Variants in AP1S1 observed in about 807,000 individuals in gnomAD.
AP1S1 encodes AP-1 complex subunit sigma-1A.
In AP1S1, 13 loss-of-function variants were observed where a neutral mutation model predicts 23.9. The ratio of observed to expected loss-of-function variants is 0.54; its 90% CI spans 0.35 to 0.86. AP1S1 has a LOEUF of 0.86. Among genes scored for constraint, AP1S1 ranks in the 40% least tolerant of loss-of-function variants. AP1S1 has a pLI of 0.01. For missense variants in AP1S1, 119 were observed against 197.6 expected (o/e 0.60, Z 2.38); for synonymous variants, 84 against 77.7 (o/e 1.08, Z -0.43).
chr7:101,157,297 G>C, intron 2 of AP1S1, 80 bp from the exon 3 acceptor site: 1 of 1,215,662 alleles, frequency 8.2e-7, no homozygotes, highest in Non-Finnish European at 1.2e-6. Flanking sequence ...ACCACCTCCA[G>C]GCTGGTGAGA....
chr7:101,160,533 A>G lies in AP1S1; in HGVS notation c.444A>G (p.Pro148=), dbSNP rs1405907198. Residue 148 remains proline, a synonymous_variant, in exon 5 of 5, where the codon CCA becomes CCG. Transcript: ENST00000337619. ...ADLLQEEDES[P]RSVLEEMGLA ...CTCTGCCTTAGGAGGATGAGTCGCCACGGAGTGTGCTGGAGGAGATGGGTT... is the reference window on the plus strand; with the variant it reads ...CTCTGCCTTAGGAGGATGAGTCGCCGCGGAGTGTGCTGGAGGAGATGGGTT... The G allele has an allele frequency of 6.2e-7, 1 of 1,612,044 alleles. No individual in the cohort carries two copies. The highest frequency in any genetic ancestry group is 8.5e-7 in the Non-Finnish European group (1 of 1,179,852).
At position 101,156,658 on chromosome 7, in the gene AP1S1, C is replaced by T; in HGVS notation, c.68C>T (p.Thr23Ile). The T allele has an allele frequency of 6.2e-7, 1 of 1,612,186 alleles. No homozygotes were observed. The highest frequency in any genetic ancestry group is 2.2e-5 in the East Asian group (1 of 44,836). The change falls in exon 2 of 5, where the codon ACT becomes ATT. Residue 23 changes from threonine to isoleucine, a missense_variant. Coordinates refer to ENST00000337619, the MANE Select transcript of AP1S1 (RefSeq NM_001283.5). ...KLRLQKWYLA[T>I]SDKERKKMVR... ...CGGCTGCAAAAATGGTACCTGGCCA[C>T]TTCGGACAAGGAACGGAAGAAGATG...
intron 3 of AP1S1, 96 bp downstream of exon 3, chr7:101,157,581 C>A: frequency 1.0e-6 from 1 of 955,172 alleles, no homozygotes. Flanking sequence ...CTGGAAGTTT[C>A]AGGGGAGAGG....
At chr7:101,154,556 G>A in intron 1 of AP1S1, 39 bp downstream of exon 1, 1 of 1,554,436 alleles carries the variant, frequency 6.4e-7, no homozygotes, top group Non-Finnish European at 8.7e-7. Flanking sequence ...GGAAGCGAGG[G>A]GCGTGGGCTG....
At position 101,160,686 on chromosome 7, in the gene AP1S1, C is replaced by G; in HGVS notation, c.*120C>G. 8.4e-7 allele frequency: 1 copy of G among 1,196,768 alleles called. No individual in the cohort carries two copies. The highest frequency in any genetic ancestry group is 1.2e-6 in the Non-Finnish European group (1 of 823,854). 74.1% of individuals were successfully genotyped at this position (1,196,768 alleles called of 1,614,324 possible). A position where few individuals can be genotyped will look rare whatever the true frequency, so the allele number is the denominator to read the frequency against. On this transcript the variant is annotated 3_prime_UTR_variant, in exon 5 of 5. Transcript: ENST00000337619. ...GGCTGCCCCTCCTCTGCTGCCTCAC[C>G]TTTCGGAGTGAGCTGTGGGCTCAGG...
intron 3 of AP1S1, among the ~76,000 whole-genome samples, 151 bp downstream of exon 3, chr7:101,157,636 C>T (rs533582583): frequency 3.3e-5 from 5 of 152,320 alleles, no homozygotes; most frequent in African/African-American, 1.2e-4. Flanking sequence ...CCTTTTTAAG[C>T]TTTAAGCCTA....
chr7:101,155,269 A>T (rs532245291), intron 1 of AP1S1, among the ~76,000 whole-genome samples: 2 of 152,284 alleles, frequency 1.3e-5, no homozygotes, highest in South Asian at 4.1e-4. Flanking sequence ...AAGCTAGTAC[A>T]GTGCCACACA....
intron 2 of AP1S1, among the ~76,000 whole-genome samples, chr7:101,157,033 G>A (rs1370694774): frequency 1.3e-5 from 2 of 150,974 alleles, no homozygotes; most frequent in Non-Finnish European, 2.9e-5. Context: ...GCCCCACTGC[G>A]CATGTCCCTT....
At chr7:101,155,629 G>A (rs1477430100) in intron 1 of AP1S1, among the ~76,000 whole-genome samples, 2 of 152,236 alleles carry the variant, frequency 1.3e-5, no homozygotes, top group Non-Finnish European at 2.9e-5. Flanking sequence ...TTGGGCATCT[G>A]CATACCCTGT....
intron 4 of AP1S1, among the ~76,000 whole-genome samples, chr7:101,159,986 G>GCACACA (rs914455706): frequency 2.2e-3 from 324 of 144,492 alleles, no homozygotes; most frequent in African/African-American, 7.3e-3. Context: ...ACCCTGGCGC[G>GCACACA]CACACACACA....
At chr7:101,155,211 C>T (rs1796974839) in intron 1 of AP1S1, among the ~76,000 whole-genome samples, 1 of 152,060 alleles carries the variant, frequency 6.6e-6, no homozygotes. Context: ...CCTCTTTTCC[C>T]CTCCACCAAA....
At chr7:101,159,459 C>T (rs986601227) in intron 4 of AP1S1, 3 of 484,760 alleles carry the variant, frequency 6.2e-6, no homozygotes, top group Middle Eastern at 5.2e-4. Context: ...TGTCTCGTGG[C>T]CACCCAGTCT....
At chr7:101,159,493 G>T in intron 4 of AP1S1, 1 of 415,690 alleles carries the variant, frequency 2.4e-6, no homozygotes, top group Non-Finnish European at 4.3e-6. Context: ...CTCTGAGCAA[G>T]GCTTAACACC....
intron 1 of AP1S1, chr7:101,156,314 C>G (rs1373502904): frequency 3.0e-6 from 1 of 334,324 alleles, no homozygotes; most frequent in Non-Finnish European, 5.5e-6. Flanking sequence ...TTAGTCTCAC[C>G]TAACAACTGT....
intron 1 of AP1S1, chr7:101,154,882 C>G: frequency 3.1e-6 from 3 of 973,600 alleles, no homozygotes; most frequent in Non-Finnish European, 4.0e-6. Context: ...GAGCGGGGGT[C>G]ACCAGTCACC....
intron 1 of AP1S1, 167 bp downstream of exon 1, chr7:101,154,684 GAGGTGGCATTCGGGAGA>G: frequency 1.3e-6 from 1 of 767,296 alleles, no homozygotes; most frequent in Admixed American, 3.4e-5. Context: ...GGAAGAGGGG[GAGGTGGCATTCGGGAGA>G]GGGGCGGGGA....
At position 101,154,555 on chromosome 7, in the gene AP1S1, G is replaced by A; in HGVS notation, c.3+38G>A. On this transcript the variant is annotated intron_variant, in intron 1 of 4. Transcript: ENST00000337619. ...AAGAGGGAGGGGAGGGGGAAGCGAGGGGCGTGGGCTGCACCTGCGGGGGTC... is the reference window on the plus strand; with the variant it reads ...AAGAGGGAGGGGAGGGGGAAGCGAGAGGCGTGGGCTGCACCTGCGGGGGTC... 5.8e-6 allele frequency: 9 copies of A among 1,555,518 alleles called. No individual in the cohort carries two copies. In the South Asian group the frequency reaches 1.1e-4, roughly 18 times the overall value.
At chr7:101,156,421 C>T in intron 1 of AP1S1, 173 bp from the exon 2 acceptor site, 1 of 710,912 alleles carries the variant, frequency 1.4e-6, no homozygotes, top group Non-Finnish European at 2.3e-6. Flanking sequence ...CTAGTAGAGC[C>T]AGGATTTGAA....
chr7:101,159,312 G>T, intron 4 of AP1S1, 116 bp downstream of exon 4: 1 of 1,439,754 alleles, frequency 6.9e-7, no homozygotes, highest in Non-Finnish European at 9.3e-7. Flanking sequence ...CCCCCTCCCT[G>T]TGGTATCTGA....
Sources: gnomAD v4.1 joint callset for allele counts (sites outside exome capture counted in the v4.1 genomes callset) on GRCh38, gnomAD v4.1.1 for gene constraint, MANE v1.5 for transcripts, NCBI Gene and HGNC (gene_info 2026-07-23, HGNC 2026-07-21) for gene names.